PCDHGC4: variants seen among roughly 807,000 people sequenced by gnomAD.
PCDHGC4 encodes protocadherin gamma subfamily C, 4.
In PCDHGC4, 15 loss-of-function variants were observed where a neutral mutation model predicts 59.7. The ratio of observed to expected loss-of-function variants is 0.25; its 90% confidence interval spans 0.17 to 0.39. PCDHGC4 has a LOEUF of 0.39. Among genes scored for constraint, PCDHGC4 ranks in the 10% least tolerant of loss-of-function variants. The probability of loss-of-function intolerance (pLI) is 1.00; values close to 1 mark genes in which losing one functional copy is unlikely to be tolerated. For missense variants in PCDHGC4, 1,016 were observed against 1,189.5 expected (o/e 0.85, Z 2.15); for synonymous variants, 434 against 481.4 (o/e 0.90, Z 1.29).
rs773126086 is a variant in PCDHGC4 at position 141,487,392 on chromosome 5, G to C, written c.2219G>C (p.Arg740Thr). The C allele has an allele frequency of 6.2e-7, 1 of 1,614,176 alleles. No homozygotes were observed. Among genetic ancestry groups the C allele is most frequent in the Non-Finnish European group, 8.5e-7 (1 of 1,180,024 alleles). ...TCACLTRSRR[R>T]EGLPPSNGIL... ...GCCTGTCTCACCAGATCTCGAAGGA[G>C]GGAGGGGCTTCCCCCTTCCAATGGG... The change falls in exon 1 of 4, where the codon AGG (arginine) becomes ACG (threonine). Residue 740 changes from arginine to threonine, a missense_variant. By Grantham distance (71) the Arg-to-Thr change is moderately conservative. Coordinates refer to ENST00000306593, the MANE Select transcript of PCDHGC4 (RefSeq NM_018928.3). This position sits in a 1 kb window ranked among gnomAD's most constrained non-coding sequence, Gnocchi z 5.0.
chr5:141,501,964 A>G (rs1374872785), intron 2 of PCDHGC4, among the ~76,000 whole-genome samples: 1 of 151,854 alleles, frequency 6.6e-6, no homozygotes, highest in East Asian at 1.9e-4. Flanking sequence ...TCATCCTCCT[A>G]ACCTCTGGCA....
rs2099884159 is a variant in PCDHGC4 at position 141,512,278 on chromosome 5, G to A, written c.*1105G>A. 6.5e-6 allele frequency: 1 copy of A among 152,812 alleles called. No homozygotes were observed. Among genetic ancestry groups the A allele is most frequent in the Non-Finnish European group, 1.5e-5 (1 of 68,170 alleles). 9.5% of individuals were successfully genotyped at this position (152,812 alleles called of 1,614,324 possible). A position where few individuals can be genotyped will look rare whatever the true frequency, so the allele number is the denominator to read the frequency against. ...TGCTGGGTACTCCAGAGGTGCCACT[G>A]GTGGAAGGGTCAGCGGAGCCCCAGC... On this transcript the variant is annotated 3_prime_UTR_variant, in exon 4 of 4. Coordinates refer to ENST00000306593, the MANE Select transcript of PCDHGC4 (RefSeq NM_018928.3).
At chr5:141,492,755 C>T (rs938918009) in intron 1 of PCDHGC4, among the ~76,000 whole-genome samples, 3 of 152,262 alleles carry the variant, frequency 2.0e-5, no homozygotes, top group African/African-American at 7.2e-5. Flanking sequence ...CGCGGCAGGG[C>T]TCCGCGTTGG....
Position 141,490,982 on chromosome 5 carries a change from G to A in PCDHGC4, c.2442+3367G>A, listed in dbSNP as rs964673026. 5 of 1,613,994 alleles carry A rather than the reference G, an allele frequency of 3.1e-6. No homozygotes were observed. Among genetic ancestry groups the A allele is most frequent in the Admixed American group, 1.7e-5 (1 of 60,020 alleles). On this transcript the variant is annotated intron_variant, in intron 1 of 3. Coordinates refer to ENST00000306593, the MANE Select transcript of PCDHGC4 (RefSeq NM_018928.3). This position sits in a 1 kb window ranked among gnomAD's most constrained non-coding sequence, Gnocchi z 5.4. The stretch of plus-strand genomic sequence containing the variant: ...CACTCAGCCCCCCAGCGTCTCCCTC[G>A]CTCTGCTCCTCCTGGCTCCTTGGTC...
At chr5:141,509,507 T>G (rs2099877110) in intron 3 of PCDHGC4, among the ~76,000 whole-genome samples, 1 of 151,792 alleles carries the variant, frequency 6.6e-6, no homozygotes, top group African/African-American at 2.4e-5. Flanking sequence ...GATGTGACGG[T>G]GTTGATGATG....
At chr5:141,502,660 A>T (rs1423714257) in intron 2 of PCDHGC4, among the ~76,000 whole-genome samples, 2 of 152,208 alleles carry the variant, frequency 1.3e-5, no homozygotes, top group African/African-American at 4.8e-5. Flanking sequence ...GCAACCCTTC[A>T]TGCAATTTTA....
rs1471215172 is a variant in PCDHGC4 at position 141,511,840 on chromosome 5, TCTG to T, written c.*668_*670del. 1 of 156,722 alleles carries T rather than the reference TCTG, an allele frequency of 6.4e-6. No homozygotes were observed. Among genetic ancestry groups the T allele is most frequent in the African/African-American group, 2.4e-5 (1 of 41,448 alleles). The allele number at this position is 156,722 out of a possible 1,614,324, so 9.7% of individuals were successfully genotyped here. A position where few individuals can be genotyped will look rare whatever the true frequency, so the allele number is the denominator to read the frequency against. On this transcript the variant is annotated 3_prime_UTR_variant, in exon 4 of 4. Coordinates refer to ENST00000306593, the MANE Select transcript of PCDHGC4 (RefSeq NM_018928.3). ...TTCCCAACGCCCTGGGGACCAGTCTTCTGTTTTGTTTTTCATTGTTTGACGTTT... is the reference window on the plus strand; with the variant it reads ...TTCCCAACGCCCTGGGGACCAGTCTTTTTTGTTTTTCATTGTTTGACGTTT...
rs1163353349 is a variant in PCDHGC4, at chr5:141,489,426, G to C, written c.2442+1811G>C. 6.2e-7 allele frequency: 1 copy of C among 1,614,012 alleles called. No homozygotes were observed. The highest frequency in any genetic ancestry group is 1.3e-5 in the African/African-American group (1 of 74,922). ...TAAAGATGACAGATCTGTTGAGCCGGCGGCTGCAATTGGGCTCTGAGGAGA... is the reference window on the plus strand; with the variant it reads ...TAAAGATGACAGATCTGTTGAGCCGCCGGCTGCAATTGGGCTCTGAGGAGA... On this transcript the variant is annotated intron_variant, in intron 1 of 3. Transcript: ENST00000306593. The surrounding 1 kb of genome is among the most constrained non-coding windows in gnomAD (Gnocchi z 4.5).
Position 141,498,971 on chromosome 5 carries a change from GGGAAGGAAGGAAGGAAGGAAGGAA to G in PCDHGC4, c.2501+4140_2501+4163del, listed in dbSNP as rs201769957. 5.1e-3 allele frequency among the ~76,000 whole-genome samples: 569 copies of G among 111,048 alleles called. 6 individuals carry two copies. Among genetic ancestry groups the G allele is most frequent in the South Asian group, 0.024 (65 of 2,658 alleles). 72.9% of individuals were successfully genotyped at this position (111,048 alleles called of 152,430 possible). A position where few individuals can be genotyped will look rare whatever the true frequency, so the allele number is the denominator to read the frequency against. On this transcript the variant is annotated intron_variant, in intron 2 of 3. Coordinates refer to ENST00000306593, the MANE Select transcript of PCDHGC4 (RefSeq NM_018928.3). ...AAAAAGAGAGAGAGGGAGGGAGGGA[GGGAAGGAAGGAAGGAAGGAAGGAA>G]GGAAGGAAGGAAGGAAGGAAGGAAG...
chr5:141,497,031 A>G (rs898409925), intron 2 of PCDHGC4, among the ~76,000 whole-genome samples: 14 of 152,184 alleles, frequency 9.2e-5, no homozygotes, highest in African/African-American at 3.4e-4. Context: ...TCGATTAAAA[A>G]TACAAAAATT....
Position 141,485,870 on chromosome 5 carries a change from C to T in PCDHGC4, c.697C>T (p.Leu233=). The stretch of plus-strand genomic sequence containing the variant: ...CACCGCAGAGCTCCGGGTATCCGTG[C>T]TGGACGTAAACGACAACGCCCCAGC... ...SGTAELRVSV[L]DVNDNAPAFQ... is the part of the protein sequence containing the mutation. Residue 233 remains leucine (L), a synonymous_variant, in exon 1 of 4, where the codon CTG becomes TTG. Coordinates refer to ENST00000306593, the MANE Select transcript of PCDHGC4 (RefSeq NM_018928.3). This position sits in a 1 kb window ranked among gnomAD's most constrained non-coding sequence, Gnocchi z 5.7. 6.2e-7 allele frequency: 1 copy of T among 1,614,174 alleles called. No homozygotes were observed. The highest frequency in any genetic ancestry group is 8.5e-7 in the Non-Finnish European group (1 of 1,180,032).
intron 3 of PCDHGC4, chr5:141,508,084 T>A (rs1422530110): frequency 6.6e-6 from 1 of 152,432 alleles, no homozygotes; most frequent in East Asian, 1.9e-4. Flanking sequence ...CTGGAGTTGC[T>A]GCCTTGGCCC....
Position 141,493,775 on chromosome 5 carries a change from G to A in PCDHGC4, c.2443-1032G>A, listed in dbSNP as rs1434978072. ...CCTTGAGTGAGCCACTGGCAGTTCCGGAGCTTCCTTCTCCCTGGAGTAATC... is the reference window on the plus strand; with the variant it reads ...CCTTGAGTGAGCCACTGGCAGTTCCAGAGCTTCCTTCTCCCTGGAGTAATC... On this transcript the variant is annotated intron_variant, in intron 1 of 3. Coordinates refer to ENST00000306593, the MANE Select transcript of PCDHGC4 (RefSeq NM_018928.3). The surrounding 1 kb of genome is among the most constrained non-coding windows in gnomAD (Gnocchi z 4.3). Among the ~76,000 whole-genome samples, 1 of 152,094 alleles carries A rather than the reference G, an allele frequency of 6.6e-6. No individual in the cohort carries two copies. The highest frequency in any genetic ancestry group is 6.5e-5 in the Admixed American group (1 of 15,272).
Position 141,489,147 on chromosome 5 carries a change from A to G in PCDHGC4, c.2442+1532A>G. On this transcript the variant is annotated intron_variant, in intron 1 of 3. Coordinates refer to ENST00000306593, the MANE Select transcript of PCDHGC4 (RefSeq NM_018928.3). The surrounding 1 kb of genome is among the most constrained non-coding windows in gnomAD (Gnocchi z 4.5). ...GCAGTTTTTAAGAGGCTGGAAGGAG[A>G]CATAAGAGACTTCAGCTGCTGCATT... The G allele has an allele frequency of 1.2e-6, 1 of 802,676 alleles. No homozygotes were observed. Among genetic ancestry groups the G allele is most frequent in the Non-Finnish European group, 1.9e-6 (1 of 528,868 alleles). 49.7% of individuals were successfully genotyped at this position (802,676 alleles called of 1,614,324 possible). A position where few individuals can be genotyped will look rare whatever the true frequency, so the allele number is the denominator to read the frequency against.
At chr5:141,507,558 G>A (rs573728108) in intron 3 of PCDHGC4, among the ~76,000 whole-genome samples, 57 of 152,346 alleles carry the variant, frequency 3.7e-4, no homozygotes, top group African/African-American at 1.3e-3. Context: ...AGTGGCAGGC[G>A]GCTGGGTCTG....
At position 141,491,423 on chromosome 5, in the gene PCDHGC4, G is replaced by C; in HGVS notation, c.2443-3384G>C. On this transcript the variant is annotated intron_variant, in intron 1 of 3. Transcript: ENST00000306593. The surrounding 1 kb of genome is among the most constrained non-coding windows in gnomAD (Gnocchi z 6.9). ...AACGCAGACGGGGACGGGGGTGGAG[G>C]GCAGTGCTGCAGGCGCCAGGACTCA... 1 of 1,614,126 alleles carries C rather than the reference G, an allele frequency of 6.2e-7. No individual in the cohort carries two copies. Among genetic ancestry groups the C allele is most frequent in the South Asian group, 1.1e-5 (1 of 91,090 alleles).
chr5:141,505,294 G>A, intron 2 of PCDHGC4, 99 bp from the exon 3 acceptor site: 1 of 1,572,086 alleles, frequency 6.4e-7, no homozygotes, highest in Non-Finnish European at 8.6e-7. Flanking sequence ...GCATGGGGTA[G>A]GGTTAGGGTA....
At position 141,485,731 on chromosome 5, in the gene PCDHGC4, C is replaced by G; in HGVS notation, c.558C>G (p.Ser186Arg). 6.2e-7 allele frequency: 1 copy of G among 1,614,152 alleles called. No homozygotes were observed. Among genetic ancestry groups the G allele is most frequent in the Non-Finnish European group, 8.5e-7 (1 of 1,180,022 alleles). ...TTGCACTGGATGTGAAGAAGCGCAG[C>G]GACGGCAGCCTGGTCCCAGAGCTGC... Reference protein sequence around the residue: ...EHFALDVKKRSDGSLVPELLL... With the variant: ...EHFALDVKKRRDGSLVPELLL... Residue 186 changes from serine to arginine, a missense_variant, in exon 1 of 4, where the codon AGC becomes AGG. Transcript: ENST00000306593. The surrounding 1 kb of genome is among the most constrained non-coding windows in gnomAD (Gnocchi z 5.7).
At position 141,505,489 on chromosome 5, in the gene PCDHGC4, G is replaced by A. The variant is rs759637750; in HGVS notation, c.2590+8G>A. On this transcript the variant is annotated splice_region_variant and intron_variant, in intron 3 of 3. Coordinates refer to ENST00000306593, the MANE Select transcript of PCDHGC4 (RefSeq NM_018928.3). ...TCTTGGCGTCCGCCAGTGGTAAGTG[G>A]TGTCAGTGTGTGTATGGAAGAGTGG... The A allele has an allele frequency of 6.2e-7, 1 of 1,614,218 alleles. No homozygotes were observed. The highest frequency in any genetic ancestry group is 1.7e-5 in the Admixed American group (1 of 60,032).
Sources: allele counts gnomAD v4.1 joint callset (sites outside exome capture counted in the v4.1 genomes callset), GRCh38; gene constraint gnomAD v4.1.1; non-coding constraint Gnocchi (gnomAD v3.1); transcripts MANE v1.5; gene names NCBI Gene and HGNC (gene_info 2026-07-23, HGNC 2026-07-21).